SYBU: variants seen among roughly 807,000 people sequenced by gnomAD.
SYBU encodes syntabulin, also known as GOLSYN A protein.
A neutral mutation model predicts 35.9 loss-of-function variants in SYBU; 21 were observed. The observed-to-expected ratio is 0.58, with a 90% CI of 0.41 to 0.84. The LOEUF (loss-of-function observed/expected upper bound fraction) is 0.84. Among genes scored for constraint, SYBU ranks in the 40% least tolerant of loss-of-function variants. SYBU has a pLI of 0.00. For synonymous variants in SYBU, 319 were observed against 324.3 expected (o/e 0.98, Z 0.18); for missense variants, 768 against 848.2 (o/e 0.91, Z 1.17).
intron 2 of SYBU, among the ~76,000 whole-genome samples, chr8:109,634,366 G>A (rs1187254201): frequency 6.6e-6 from 1 of 152,154 alleles, no homozygotes; most frequent in Non-Finnish European, 1.5e-5. Flanking sequence ...ATTTAGAGAT[G>A]CTAAACTCCT....
Position 109,661,968 on chromosome 8 carries a change from C to T in SYBU, c.-129+18743G>A, listed in dbSNP as rs139228121. ...ATTTAGATCTCCAGCTTGTCCAAGC[C>T]GAGGTCTTTTATTTTCAAATCTCAC... On this transcript the variant is annotated intron_variant, in intron 1 of 5. Transcript: ENST00000408889. Among the ~76,000 whole-genome samples the T allele has an allele frequency of 4.6e-3, 696 of 152,252 alleles. 13 individuals carry two copies. The highest frequency in any genetic ancestry group is 4.1e-3 in the Non-Finnish European group (276 of 68,006).
At chr8:109,604,018 A>C (rs534787782) in intron 3 of SYBU, among the ~76,000 whole-genome samples, 1 of 152,348 alleles carries the variant, frequency 6.6e-6, no homozygotes, top group South Asian at 2.1e-4. Context: ...TAAAGAAATA[A>C]GGGAAGCAGC....
At chr8:109,656,939 G>C (rs1331461882) in intron 1 of SYBU, among the ~76,000 whole-genome samples, 2 of 151,884 alleles carry the variant, frequency 1.3e-5, no homozygotes, top group Non-Finnish European at 2.9e-5. Context: ...TATTAATATA[G>C]AGAAATTATA....
At chr8:109,599,873 G>T (rs1230520557) in intron 3 of SYBU, among the ~76,000 whole-genome samples, 1 of 152,168 alleles carries the variant, frequency 6.6e-6, no homozygotes, top group Admixed American at 6.5e-5. Flanking sequence ...ACCATTCACA[G>T]TTTCCTGAAG....
At chr8:109,659,955 G>A (rs3134314) in intron 1 of SYBU, among the ~76,000 whole-genome samples, 63,759 of 151,824 alleles carry the variant, frequency 0.42, 14,743 homozygotes, top group African/African-American at 0.63. Context: ...GAACAAAAAT[G>A]TTTGCCTTTA....
At chr8:109,670,816 G>A (rs1415143035) in intron 1 of SYBU, among the ~76,000 whole-genome samples, 1 of 151,714 alleles carries the variant, frequency 6.6e-6, no homozygotes, top group East Asian at 1.9e-4. Flanking sequence ...ATTTATAATA[G>A]AATTCTAGGA....
Position 109,618,897 on chromosome 8 carries a change from T to A in SYBU, c.372A>T (p.Gly124=). 6.2e-7 allele frequency: 1 copy of A among 1,614,192 alleles called. No homozygotes were observed. Among genetic ancestry groups the A allele is most frequent in the Non-Finnish European group, 8.5e-7 (1 of 1,180,022 alleles). ...KKCTIGMVGE[G]SIQSSRYKKE... ...TCTTATATCGAGAGGACTGAATGCT[T>A]CCTTCACCAACCATTCCAATCGTGC... Residue 124 remains glycine, a synonymous_variant, in exon 3 of 7, where the codon GGA becomes GGT. Coordinates refer to ENST00000276646, the MANE Select transcript of SYBU (RefSeq NM_001099754.2).
At position 109,574,950 on chromosome 8, in the gene SYBU, C is replaced by T; in HGVS notation, c.1948G>A (p.Ala650Thr). ...GALLRGCCVV[A>T]LHSLRRTAFR... ...GCGGTGCGGCGGAGCGAATGCAGGG[C>T]AACCACGCAACAGCCCCTGAGCAAG... Residue 650 changes from alanine (A) to threonine (T), a missense_variant, in exon 7 of 7, where the codon GCC (alanine) becomes ACC (threonine). Ala to Thr is a moderately conservative substitution (Grantham distance 58, BLOSUM62 0). Transcript: ENST00000276646. 5 of 1,518,706 alleles carry T rather than the reference C, an allele frequency of 3.3e-6. No individual in the cohort carries two copies. The highest frequency in any genetic ancestry group is 4.4e-6 in the Non-Finnish European group (5 of 1,134,370). 94.1% of individuals were successfully genotyped at this position (1,518,706 alleles called of 1,614,324 possible).
At chr8:109,653,105 A>G (rs1438614933) in intron 1 of SYBU, among the ~76,000 whole-genome samples, 1 of 152,180 alleles carries the variant, frequency 6.6e-6, no homozygotes, top group Non-Finnish European at 1.5e-5. Context: ...TTTTAGCTGA[A>G]CAGTCAGGTA....
At chr8:109,673,196 GCCT>G (rs901019929) in intron 1 of SYBU, among the ~76,000 whole-genome samples, 1 of 152,194 alleles carries the variant, frequency 6.6e-6, no homozygotes, top group Non-Finnish European at 1.5e-5. Context: ...GGGACAGACT[GCCT>G]CCTCAAGTGA....
rs1367082919 is a variant in SYBU at position 109,575,913 on chromosome 8, C to T, written c.985G>A (p.Glu329Lys). Reference sequence around the variant, plus strand: ...AGCTGTTTAATCTCTTTCCTGGCTTCTTTGAGTGCCAACTGGGCCTCTACC... The same window carrying T: ...AGCTGTTTAATCTCTTTCCTGGCTTTTTTGAGTGCCAACTGGGCCTCTACC... The part of the protein sequence containing the change: ...HRVEAQLALK[E>K]ARKEIKQLKQ... Residue 329 changes from glutamate to lysine, a missense_variant, in exon 7 of 7, where the codon GAA (glutamate) becomes AAA (lysine). By Grantham distance (56) the Glu-to-Lys change is moderately conservative. Transcript: ENST00000276646. 1.2e-6 allele frequency: 2 copies of T among 1,613,922 alleles called. No individual in the cohort carries two copies. Among genetic ancestry groups the T allele is most frequent in the South Asian group, 1.1e-5 (1 of 91,068 alleles).
At chr8:109,634,906 A>G (rs974567593) in intron 2 of SYBU, among the ~76,000 whole-genome samples, 1 of 151,954 alleles carries the variant, frequency 6.6e-6, no homozygotes, top group African/African-American at 2.4e-5. Context: ...CTTCTGCACT[A>G]TTGTTATTAT....
Position 109,632,813 on chromosome 8 carries a change from G to A in SYBU, c.229+9915C>T, listed in dbSNP as rs572357191. Among the ~76,000 whole-genome samples the A allele has an allele frequency of 4.5e-4, 68 of 152,266 alleles. 1 individual carries two copies. The highest frequency in any genetic ancestry group is 3.4e-3 in the Middle Eastern group (1 of 294). On this transcript the variant is annotated intron_variant, in intron 2 of 6. Transcript: ENST00000276646. ...ATTATGGTCCTCTGTAGAGTGACACGCCACGCTGTCATTACCATGAATGAG... is the reference window on the plus strand; with the variant it reads ...ATTATGGTCCTCTGTAGAGTGACACACCACGCTGTCATTACCATGAATGAG...
At chr8:109,645,606 A>G (rs1034506007), upstream of SYBU, 2 of 270,950 alleles carry the variant, frequency 7.4e-6, no homozygotes, top group Non-Finnish European at 7.2e-6. Flanking sequence ...CTTTATGCCT[A>G]AAGTTTTTGT....
upstream of SYBU, among the ~76,000 whole-genome samples, chr8:109,683,647 T>C (rs987957868): frequency 1.2e-4 from 18 of 152,104 alleles, no homozygotes; most frequent in African/African-American, 4.3e-4. Flanking sequence ...GGCATGATTG[T>C]GTTTTGAAAT....
chr8:109,595,262 A>G (rs960723020), intron 3 of SYBU, among the ~76,000 whole-genome samples: 1 of 152,200 alleles, frequency 6.6e-6, no homozygotes, highest in Non-Finnish European at 1.5e-5. Context: ...AAAAAAAATA[A>G]AAGATGGTCC....
intron 2 of SYBU, among the ~76,000 whole-genome samples, chr8:109,634,357 T>G (rs557035598): frequency 6.6e-6 from 1 of 152,340 alleles, no homozygotes; most frequent in African/African-American, 2.4e-5. Flanking sequence ...CTTTTTGACA[T>G]TTAGAGATGC....
rs574304396 is a variant in SYBU at position 109,673,116 on chromosome 8, T to A, written c.-129+7595A>T. On this transcript the variant is annotated intron_variant, in intron 1 of 5. Coordinates refer to the SYBU transcript ENST00000408889. ...GGCTGTGGACACAGCTTCAGCAGAC[T>A]TAAACGTTCCTGCCTGCTGGCTCTG... Among the ~76,000 whole-genome samples the A allele has an allele frequency of 1.3e-3, 202 of 152,276 alleles. 2 individuals carry two copies. Among genetic ancestry groups the A allele is most frequent in the African/African-American group, 4.7e-3 (197 of 41,560 alleles).
chr8:109,623,385 T>C (rs1035107959), intron 2 of SYBU, among the ~76,000 whole-genome samples: 2 of 152,186 alleles, frequency 1.3e-5, no homozygotes, highest in Non-Finnish European at 2.9e-5. Context: ...TTGCTTAAAA[T>C]TGGTGAACAC....
Sources: gnomAD v4.1 joint callset for allele counts (sites outside exome capture counted in the v4.1 genomes callset) on GRCh38, gnomAD v4.1.1 for gene constraint, MANE v1.5 for transcripts, NCBI Gene and HGNC (gene_info 2026-07-23, HGNC 2026-07-21) for gene names.